THAP4: variants seen among roughly 807,000 people sequenced by gnomAD.
THAP4 encodes THAP domain containing 4.
A neutral mutation model predicts 48.1 loss-of-function variants in THAP4; 18 were observed. That is an observed-to-expected ratio of 0.37 (90% CI 0.26 to 0.56). The LOEUF (loss-of-function observed/expected upper bound fraction) is 0.56. Among genes scored for constraint, THAP4 ranks in the 20% least tolerant of loss-of-function variants. THAP4 has a pLI of 0.78. For synonymous variants in THAP4, 345 were observed against 324.9 expected, an observed-to-expected ratio of 1.06 and a Z score of -0.66; for missense variants, 656 against 774.9, an observed-to-expected ratio of 0.85 and a Z score of 1.82.
At chr2:241,632,088 T>C (rs1036134778) in intron 2 of THAP4, among the ~76,000 whole-genome samples, 10 of 151,672 alleles carry the variant, frequency 6.6e-5, no homozygotes, top group Admixed American at 2.0e-4. Context: ...TGTGTTTCAA[T>C]AGATGTGTGT....
At chr2:241,588,067 A>C (rs904391103) in intron 5 of THAP4, among the ~76,000 whole-genome samples, 1 of 152,124 alleles carries the variant, frequency 6.6e-6, no homozygotes, top group African/African-American at 2.4e-5. Context: ...GAAAAGAAGA[A>C]AAATAAAGAA....
rs2067593789 is a variant in THAP4 at position 241,633,401 on chromosome 2, G to A, written c.756C>T (p.Pro252=). The A allele has an allele frequency of 1.2e-6, 2 of 1,613,386 alleles. No individual in the cohort carries two copies. The highest frequency in any genetic ancestry group is 1.7e-5 in the Admixed American group (1 of 60,000). The part of the protein sequence containing the change: ...SKHTRERPSV[P]REPIDRKRLK... The stretch of plus-strand genomic sequence containing the variant: ...GCCTCTTGCGGTCAATGGGCTCTCG[G>A]GGGACAGATGGCCTTTCTCGGGTGT... The change falls in exon 2 of 6, where the codon CCC becomes CCT. Residue 252 remains proline (P), a synonymous_variant. Transcript: ENST00000407315. The surrounding 1 kb of genome is among the most constrained non-coding windows in gnomAD (Gnocchi z 7.5).
chr2:241,637,030 C>G lies in THAP4; in HGVS notation c.-13G>C. On this transcript the variant is annotated 5_prime_UTR_variant, in exon 1 of 6. Coordinates refer to ENST00000407315, the MANE Select transcript of THAP4 (RefSeq NM_015963.6). ...AGCAGATCACCATCGCGGGCCTTGGCCCAGCCGCGCAGCCAGGCCCCGGCC... is the reference window on the plus strand; with the variant it reads ...AGCAGATCACCATCGCGGGCCTTGGGCCAGCCGCGCAGCCAGGCCCCGGCC... The G allele has an allele frequency of 8.0e-7, 1 of 1,250,674 alleles. No individual in the cohort carries two copies. The highest frequency in any genetic ancestry group is 1.0e-6 in the Non-Finnish European group (1 of 972,698). The allele number at this position is 1,250,674 out of a possible 1,614,324, so 77.5% of individuals were successfully genotyped here. A position where few individuals can be genotyped will look rare whatever the true frequency, so the allele number is the denominator to read the frequency against.
At chr2:241,635,364 G>A (rs575700717) in intron 1 of THAP4, among the ~76,000 whole-genome samples, 14 of 152,344 alleles carry the variant, frequency 9.2e-5, no homozygotes, top group Admixed American at 6.5e-4. Flanking sequence ...AGCAACCAGC[G>A]CAGGAAGATA....
At chr2:241,586,625 A>C (rs2066899885) in intron 5 of THAP4, among the ~76,000 whole-genome samples, 1 of 152,224 alleles carries the variant, frequency 6.6e-6, no homozygotes, top group African/African-American at 2.4e-5. Context: ...TTATTAGAAG[A>C]CAATATGGAG....
intron 2 of THAP4, among the ~76,000 whole-genome samples, chr2:241,620,424 GGGTGAGGGGTGAGTGAGT>G: frequency 7.4e-6 from 1 of 135,148 alleles, no homozygotes. Flanking sequence ...GGTGAGTGAG[GGGTGAGGGGTGAGTGAGT>G]CAGTGAGTGA....
In THAP4 at chr2:241,633,748, C is replaced by A; in HGVS notation, c.409G>T (p.Ala137Ser). The A allele has an allele frequency of 6.2e-7, 1 of 1,612,266 alleles. No individual in the cohort carries two copies. Among genetic ancestry groups the A allele is most frequent in the Non-Finnish European group, 8.5e-7 (1 of 1,178,806 alleles). ...TTCAACCTGCGGGACTCTGGCTTGG[C>A]CATCGGGTTTCCACTCGAGGACGGT... ...WSPSSSGNPM[A>S]KPESRRLKQA... is the part of the protein sequence containing the mutation. Residue 137 changes from alanine (A) to serine (S), a missense_variant, in exon 2 of 6, where the codon GCC becomes TCC. Ala to Ser is a moderately conservative substitution (Grantham distance 99). Around this residue, in one of 4 missense-constraint regions of THAP4, gnomAD observed 391 missense variants for 412.4 expected, o/e 0.95. Coordinates refer to ENST00000407315, the MANE Select transcript of THAP4 (RefSeq NM_015963.6). The surrounding 1 kb of genome is among the most constrained non-coding windows in gnomAD (Gnocchi z 7.5).
upstream of THAP4, chr2:241,637,506 C>T (rs983124691): frequency 2.8e-6 from 4 of 1,439,428 alleles, no homozygotes; most frequent in African/African-American, 1.5e-5. Flanking sequence ...ACGACACGAC[C>T]CCATGCCGCC....
chr2:241,614,562 A>C (rs574550616), intron 2 of THAP4, among the ~76,000 whole-genome samples: 45 of 152,326 alleles, frequency 3.0e-4, no homozygotes, highest in Non-Finnish European at 5.9e-4. Flanking sequence ...GGTAGTTCTG[A>C]CTGATACATA....
intron 2 of THAP4, among the ~76,000 whole-genome samples, chr2:241,619,070 T>C (rs2067379963): frequency 6.6e-6 from 1 of 152,150 alleles, no homozygotes; most frequent in African/African-American, 2.4e-5. Context: ...CACGGGCCAC[T>C]GAAGGGCTTA....
At chr2:241,584,874 C>T in intron 5 of THAP4, 149 bp from the exon 6 acceptor site, 1 of 931,764 alleles carries the variant, frequency 1.1e-6, no homozygotes, top group Non-Finnish European at 1.7e-6. Context: ...CAGCCCAGGG[C>T]CCCTGGGCAT....
intron 5 of THAP4, among the ~76,000 whole-genome samples, chr2:241,598,297 A>G (rs2067073867): frequency 1.3e-5 from 2 of 152,160 alleles, no homozygotes; most frequent in Admixed American, 1.3e-4. Context: ...CCACGGGGCC[A>G]CCCTTTGCCA....
intron 2 of THAP4, among the ~76,000 whole-genome samples, chr2:241,613,292 G>A (rs1463537727): frequency 3.3e-5 from 5 of 149,304 alleles, no homozygotes; most frequent in South Asian, 2.1e-4. Context: ...AAAAAAAAGC[G>A]GTTATAGAAA....
At position 241,597,871 on chromosome 2, in the gene THAP4, G is replaced by A. The variant is rs534759028; in HGVS notation, c.1614+4025C>T. On this transcript the variant is annotated intron_variant, in intron 5 of 5. Coordinates refer to ENST00000407315, the MANE Select transcript of THAP4 (RefSeq NM_015963.6). ...CCCCTAAGCGCCATGCCCAGGCTTC[G>A]CAACTCCATCGTCTCTGTCTCCTCC... Among the ~76,000 whole-genome samples the A allele has an allele frequency of 2.0e-4, 30 of 151,968 alleles. 1 individual carries two copies. Among genetic ancestry groups the A allele is most frequent in the Admixed American group, 1.7e-3 (26 of 15,260 alleles).
rs1190214597 is a variant in THAP4 at position 241,633,965 on chromosome 2, G to A, written c.192C>T (p.Ser64=). 74 of 1,614,060 alleles carry A rather than the reference G, an allele frequency of 4.6e-5. No homozygotes were observed. The highest frequency in any genetic ancestry group is 5.9e-5 in the Non-Finnish European group (70 of 1,180,030). Residue 64 remains serine, a synonymous_variant, in exon 2 of 6, where the codon AGC becomes AGT. Coordinates refer to ENST00000407315, the MANE Select transcript of THAP4 (RefSeq NM_015963.6). The surrounding 1 kb of genome is among the most constrained non-coding windows in gnomAD (Gnocchi z 7.5). The part of the protein sequence containing the change: ...FLCSEHFTKD[S]FSKRLEDQHR... The stretch of plus-strand genomic sequence containing the variant: ...GCTGGTCCTCCAGCCTCTTGGAGAA[G>A]CTGTCTTTGGTGAAATGCTCACTAC...
At position 241,616,665 on chromosome 2, in the gene THAP4, G is replaced by C. The variant is rs972017745; in HGVS notation, c.1241-10192C>G. Among the ~76,000 whole-genome samples, 2 of 152,132 alleles carry C rather than the reference G, an allele frequency of 1.3e-5. No homozygotes were observed. Among genetic ancestry groups the C allele is most frequent in the Non-Finnish European group, 2.9e-5 (2 of 68,034 alleles). Reference sequence around the variant, plus strand: ...GGCAATTTCTTTTTAAAAAACTAGAGAATTCTAAGATAGCTCTGAAATTCA... The same window carrying C: ...GGCAATTTCTTTTTAAAAAACTAGACAATTCTAAGATAGCTCTGAAATTCA... On this transcript the variant is annotated intron_variant, in intron 2 of 5. Coordinates refer to ENST00000407315, the MANE Select transcript of THAP4 (RefSeq NM_015963.6). This position sits in a 1 kb window ranked among gnomAD's most constrained non-coding sequence, Gnocchi z 4.6.
intron 4 of THAP4, 58 bp from the exon 5 acceptor site, chr2:241,602,057 C>CGA (rs2067121422): frequency 2.0e-6 from 3 of 1,536,554 alleles, no homozygotes; most frequent in Non-Finnish European, 2.7e-6. Flanking sequence ...GAGAGGCAGC[C>CGA]TTGACTCTCC....
In THAP4 at chr2:241,612,185, G is replaced by T. The variant is rs2067285610; in HGVS notation, c.1241-5712C>A. 6.6e-6 allele frequency among the ~76,000 whole-genome samples: 1 copy of T among 152,120 alleles called. No individual in the cohort carries two copies. The highest frequency in any genetic ancestry group is 2.4e-5 in the African/African-American group (1 of 41,422). ...AATCAAGCCACCACCCAAATGAAGT[G>T]GAGATTGGAAGCAGCACAGGGAGAA... On this transcript the variant is annotated intron_variant, in intron 2 of 5. Coordinates refer to ENST00000407315, the MANE Select transcript of THAP4 (RefSeq NM_015963.6). The surrounding 1 kb of genome is among the most constrained non-coding windows in gnomAD (Gnocchi z 4.1).
chr2:241,589,474 G>A (rs984398930), intron 5 of THAP4, among the ~76,000 whole-genome samples: 1 of 152,130 alleles, frequency 6.6e-6, no homozygotes, highest in Non-Finnish European at 1.5e-5. Context: ...TGGCAAATAA[G>A]TACAACAAAA....
Sources: allele counts gnomAD v4.1 joint callset (sites outside exome capture counted in the v4.1 genomes callset), GRCh38; gene constraint gnomAD v4.1.1; regional missense constraint gnomAD v4.1.1; non-coding constraint Gnocchi (gnomAD v3.1); transcripts MANE v1.5; gene names NCBI Gene and HGNC (gene_info 2026-07-23, HGNC 2026-07-21).